The following ADK variants were observed in gnomAD, a reference collection of about 807,000 sequenced individuals.
ADK encodes the protein adenosine kinase.
In ADK, 24 loss-of-function variants were observed where a neutral mutation model predicts 44.7. The observed-to-expected ratio is 0.54, with a 90% CI of 0.39 to 0.76. The LOEUF (loss-of-function observed/expected upper bound fraction) is 0.76, where lower values mean the gene tolerates loss of function less well. Among genes scored for constraint, ADK ranks in the 30% least tolerant of loss-of-function variants. ADK has a pLI of 0.00. For synonymous variants in ADK, 128 were observed against 142.6 expected (o/e 0.90, Z 0.73); for missense variants, 321 against 425.1 (o/e 0.76, Z 2.15).
At position 74,497,830 on chromosome 10, in the gene ADK, A is replaced by C. The variant is rs377115449; in HGVS notation, c.556-27426A>C. 2.3e-4 allele frequency among the ~76,000 whole-genome samples: 35 copies of C among 152,278 alleles called. 1 individual carries two copies. The highest frequency in any genetic ancestry group is 6.8e-3 in the Middle Eastern group (2 of 294). On this transcript the variant is annotated intron_variant, in intron 6 of 10. Transcript: ENST00000539909. ...GTGTCTCTAAAAGTATAGATATATCAATCAAGAACCTGGGGAAGTTCTAGT... is the reference window on the plus strand; with the variant it reads ...GTGTCTCTAAAAGTATAGATATATCCATCAAGAACCTGGGGAAGTTCTAGT...
intron 7 of ADK, among the ~76,000 whole-genome samples, chr10:74,568,777 T>A (rs951038821): frequency 2.6e-5 from 4 of 152,054 alleles, no homozygotes; most frequent in South Asian, 4.1e-4. Flanking sequence ...TTTATATTTT[T>A]ATCTTTTTTT....
At chr10:74,485,041 C>T (rs986927684) in intron 6 of ADK, among the ~76,000 whole-genome samples, 3 of 151,694 alleles carry the variant, frequency 2.0e-5, no homozygotes, top group Admixed American at 6.6e-5. Flanking sequence ...AGTTGTACCA[C>T]ATTAAAATTA....
At chr10:74,495,328 C>T (rs1044843961) in intron 6 of ADK, among the ~76,000 whole-genome samples, 1 of 148,358 alleles carries the variant, frequency 6.7e-6, no homozygotes, top group Non-Finnish European at 1.5e-5. Context: ...TGAAGTTGAG[C>T]TTTTTGCATA....
At chr10:74,566,078 T>C (rs771907293) in intron 7 of ADK, among the ~76,000 whole-genome samples, 1 of 152,316 alleles carries the variant, frequency 6.6e-6, no homozygotes, top group Admixed American at 6.5e-5. Flanking sequence ...GATAAATTTA[T>C]AAGCATTTGC....
intron 9 of ADK, among the ~76,000 whole-genome samples, chr10:74,612,161 G>A (rs1852577064): frequency 6.6e-6 from 1 of 151,934 alleles, no homozygotes; most frequent in Non-Finnish European, 1.5e-5. Context: ...TAATAGCTGT[G>A]CTAACTAGTA....
chr10:74,610,656 A>G (rs1852506750), intron 9 of ADK, among the ~76,000 whole-genome samples: 1 of 152,162 alleles, frequency 6.6e-6, no homozygotes, highest in African/African-American at 2.4e-5. Context: ...AAGGCAGAAA[A>G]GATGACTGTC....
rs1855659109 is a variant in ADK at position 74,682,738 on chromosome 10, C to T, written c.964+12469C>T. 3.3e-5 allele frequency among the ~76,000 whole-genome samples: 5 copies of T among 151,952 alleles called. No homozygotes were observed. In the South Asian group the frequency reaches 1.0e-3, roughly 32 times the overall value. On this transcript the variant is annotated intron_variant, in intron 10 of 10. Coordinates refer to ENST00000539909, the MANE Select transcript of ADK (RefSeq NM_006721.4). The stretch of plus-strand genomic sequence containing the variant: ...ACAGGTGTGCACCACCACTCCTGGC[C>T]AACTTTTGTATTTTTAGTAGAGACA...
At chr10:74,190,205 G>A (rs1216470753) in intron 1 of ADK, among the ~76,000 whole-genome samples, 2 of 152,230 alleles carry the variant, frequency 1.3e-5, no homozygotes, top group Non-Finnish European at 2.9e-5. Flanking sequence ...CAACAGCAAT[G>A]TATGAAGATT....
At chr10:74,381,812 A>C (rs1842983762) in intron 4 of ADK, among the ~76,000 whole-genome samples, 2 of 152,292 alleles carry the variant, frequency 1.3e-5, no homozygotes, top group South Asian at 4.1e-4. Context: ...ATAGTTCATC[A>C]TTGTCAATAA....
At chr10:74,664,246 T>G (rs186484257) in intron 9 of ADK, among the ~76,000 whole-genome samples, 48 of 152,274 alleles carry the variant, frequency 3.2e-4, no homozygotes, top group African/African-American at 1.1e-3. Context: ...TAGAAAGATA[T>G]CCAAGATTTT....
chr10:74,151,480 T>G, intron 1 of ADK, 137 bp downstream of exon 1: 1 of 952,834 alleles, frequency 1.0e-6, no homozygotes, highest in South Asian at 1.5e-5. Flanking sequence ...CTCCCCCAGC[T>G]GCCCGCTTGG....
intron 2 of ADK, among the ~76,000 whole-genome samples, chr10:74,213,680 A>T (rs1843911222): frequency 6.6e-6 from 1 of 152,244 alleles, no homozygotes; most frequent in South Asian, 2.1e-4. Context: ...AGAATAGTCA[A>T]TAATACCTGA....
At chr10:74,243,991 C>T (rs888835550) in intron 3 of ADK, among the ~76,000 whole-genome samples, 1 of 150,866 alleles carries the variant, frequency 6.6e-6, no homozygotes, top group Non-Finnish European at 1.5e-5. Context: ...TATTAAAAAT[C>T]GACACCTTAA....
intron 7 of ADK, among the ~76,000 whole-genome samples, chr10:74,546,899 T>C (rs1232833171): frequency 6.6e-6 from 1 of 152,164 alleles, no homozygotes; most frequent in African/African-American, 2.4e-5. Flanking sequence ...CAATGCATGC[T>C]CATTGTAGAG....
intron 7 of ADK, among the ~76,000 whole-genome samples, chr10:74,571,534 G>A (rs961652688): frequency 3.3e-5 from 5 of 152,180 alleles, no homozygotes; most frequent in African/African-American, 1.2e-4. Flanking sequence ...TATGTGTCGA[G>A]GGATTTATTC....
At chr10:74,521,095 C>G (rs1240553300) in intron 6 of ADK, among the ~76,000 whole-genome samples, 1 of 151,972 alleles carries the variant, frequency 6.6e-6, no homozygotes, top group Non-Finnish European at 1.5e-5. Context: ...ATACTATAGT[C>G]TGGAACATGT....
chr10:74,585,587 G>A (rs1403084772), intron 7 of ADK, among the ~76,000 whole-genome samples: 3 of 152,190 alleles, frequency 2.0e-5, no homozygotes, highest in Non-Finnish European at 4.4e-5. Flanking sequence ...AGGGGAGCAG[G>A]AAAGCCTCTG....
At chr10:74,243,309 G>T (rs1337181434) in intron 3 of ADK, among the ~76,000 whole-genome samples, 1 of 152,332 alleles carries the variant, frequency 6.6e-6, no homozygotes, top group Middle Eastern at 3.4e-3. Context: ...CCTGCAGGGG[G>T]TTGAGCGCTG....
At chr10:74,510,288 T>C (rs1042357266) in intron 6 of ADK, among the ~76,000 whole-genome samples, 2 of 152,238 alleles carry the variant, frequency 1.3e-5, no homozygotes, top group African/African-American at 4.8e-5. Context: ...CATTGTGGTT[T>C]TGATCTGCAT....
Sources: allele counts gnomAD v4.1 joint callset (sites outside exome capture counted in the v4.1 genomes callset), GRCh38; gene constraint gnomAD v4.1.1; transcripts MANE v1.5; gene names NCBI Gene and HGNC (gene_info 2026-07-23, HGNC 2026-07-21).